Variants in REM1 observed in about 807,000 individuals in gnomAD.
REM1 encodes RRAD and GEM like GTPase 1.
Under a neutral mutation model 27.0 loss-of-function variants are expected in REM1, and 20 were observed. The observed-to-expected ratio is 0.74, with a 90% CI of 0.52 to 1.08. The LOEUF is 1.08. Ranked by LOEUF, REM1 falls within the 50% of genes least tolerant of loss-of-function variation. REM1 has a pLI of 0.00. For synonymous variants in REM1, 159 were observed against 167.9 expected, an observed-to-expected ratio of 0.95 and a Z score of 0.41; for missense variants, 405 against 407.0, an observed-to-expected ratio of 1.00 and a Z score of 0.04.
At chr20:31,481,540 T>C (rs1980735049) in intron 3 of REM1, among the ~76,000 whole-genome samples, 1 of 152,084 alleles carries the variant, frequency 6.6e-6, no homozygotes, top group Non-Finnish European at 1.5e-5. Context: ...CACTACACTA[T>C]AACTCCCATT....
intron 3 of REM1, among the ~76,000 whole-genome samples, chr20:31,478,834 CTTTTT>C (rs1243905937): frequency 1.5e-5 from 2 of 135,296 alleles, no homozygotes; most frequent in Non-Finnish European, 3.2e-5. Flanking sequence ...AGATCTTATT[CTTTTT>C]TTTTTTTTTT....
At chr20:31,481,159 G>A (rs1302751621) in intron 3 of REM1, among the ~76,000 whole-genome samples, 1 of 152,110 alleles carries the variant, frequency 6.6e-6, no homozygotes, top group Non-Finnish European at 1.5e-5. Context: ...TGTCATCCCA[G>A]CTACTCAGGA....
intron 3 of REM1, among the ~76,000 whole-genome samples, chr20:31,481,867 TTC>T (rs1200346409): frequency 6.6e-6 from 1 of 152,148 alleles, no homozygotes; most frequent in Non-Finnish European, 1.5e-5. Flanking sequence ...GTCCTCACTT[TTC>T]TCTCTTTTTT....
Position 31,475,462 on chromosome 20 carries a change from G to A in REM1, c.-220+96G>A, listed in dbSNP as rs1016737337. 3 of 152,412 alleles carry A rather than the reference G, an allele frequency of 2.0e-5. No homozygotes were observed. The highest frequency in any genetic ancestry group is 7.2e-5 in the African/African-American group (3 of 41,470). 9.4% of individuals were successfully genotyped at this position (152,412 alleles called of 1,614,324 possible). ...ATTCGGCAGCGTTGGCAGGAATAGG[G>A]GGGCTTCGAAACCGCGTCCCTAGGG... On this transcript the variant is annotated intron_variant, in intron 1 of 4. Coordinates refer to ENST00000201979, the MANE Select transcript of REM1 (RefSeq NM_014012.6). The surrounding 1 kb of genome is among the most constrained non-coding windows in gnomAD (Gnocchi z 5.0).
In REM1 at chr20:31,477,840, A is replaced by G. The variant is rs376949045; in HGVS notation, c.353A>G (p.Glu118Gly). The change falls in exon 3 of 5, where the codon GAG becomes GGG. Residue 118 changes from glutamate to glycine, a missense_variant. Transcript: ENST00000201979. ...LHEQLGEDVY[E>G]RTLTVDGEDT... ...CCCTCGGTTGCAGAAGATGTATATG[A>G]GAGGACCCTCACGGTGGATGGAGAA... The G allele has an allele frequency of 7.4e-6, 12 of 1,612,692 alleles. No individual in the cohort carries two copies. The highest frequency in any genetic ancestry group is 9.3e-6 in the Non-Finnish European group (11 of 1,179,626).
chr20:31,481,996 G>T (rs1246656023), intron 3 of REM1, among the ~76,000 whole-genome samples: 1 of 152,182 alleles, frequency 6.6e-6, no homozygotes, highest in African/African-American at 2.4e-5. Context: ...GCAGGAACAG[G>T]AACCAAGTAA....
intron 3 of REM1, among the ~76,000 whole-genome samples, chr20:31,481,507 CAT>C (rs989447262): frequency 1.3e-5 from 2 of 152,072 alleles, no homozygotes; most frequent in African/African-American, 4.8e-5. Context: ...GCCACTTACA[CAT>C]GTCTCTTACT....
rs532270804 is a variant in REM1, at chr20:31,484,328, C to T, written c.795C>T (p.Ala265=). The T allele has an allele frequency of 7.5e-5, 117 of 1,569,274 alleles. No homozygotes were observed. In the South Asian group the frequency reaches 1.3e-3, roughly 17 times the overall value. ...PPAPRRPASL[A]QRARRFLARL... ...CACCCCGACGGCCGGCCAGCCTAGCCCAGCGCGCTCGTCGCTTCCTGGCAC... is the reference window on the plus strand; with the variant it reads ...CACCCCGACGGCCGGCCAGCCTAGCTCAGCGCGCTCGTCGCTTCCTGGCAC... The change falls in exon 5 of 5, where the codon GCC becomes GCT. Residue 265 remains alanine (A), a synonymous_variant. Coordinates refer to ENST00000201979, the MANE Select transcript of REM1 (RefSeq NM_014012.6).
chr20:31,476,760 G>A lies in REM1; in HGVS notation c.315G>A (p.Glu105=), dbSNP rs767166923. ...SLASLFAGKQ[E]RDLHEQLGED... ...CCAGCCTCTTTGCAGGGAAGCAAGAGAGGGACCTCCATGAACAGCTGGGAG... is the reference window on the plus strand; with the variant it reads ...CCAGCCTCTTTGCAGGGAAGCAAGAAAGGGACCTCCATGAACAGCTGGGAG... The change falls in exon 2 of 5, where the codon GAG becomes GAA. Residue 105 remains glutamate (E), a synonymous_variant. Coordinates refer to ENST00000201979, the MANE Select transcript of REM1 (RefSeq NM_014012.6). The A allele has an allele frequency of 1.1e-5, 17 of 1,612,792 alleles. No homozygotes were observed. In the South Asian group the frequency reaches 1.9e-4, roughly 18 times the overall value.
intron 3 of REM1, among the ~76,000 whole-genome samples, chr20:31,480,902 C>T (rs1980707283): frequency 6.6e-6 from 1 of 152,146 alleles, no homozygotes; most frequent in South Asian, 2.1e-4. Context: ...AGAACTTACC[C>T]CCCTTTGACA....
At position 31,484,326 on chromosome 20, in the gene REM1, G is replaced by A. The variant is rs921359582; in HGVS notation, c.793G>A (p.Ala265Thr). The A allele has an allele frequency of 6.4e-7, 1 of 1,569,964 alleles. No homozygotes were observed. Among genetic ancestry groups the A allele is most frequent in the African/African-American group, 1.3e-5 (1 of 74,164 alleles). The change falls in exon 5 of 5, where the codon GCC becomes ACC. Residue 265 changes from alanine (A) to threonine (T), a missense_variant. Ala to Thr is a moderately conservative substitution (Grantham distance 58). Coordinates refer to ENST00000201979, the MANE Select transcript of REM1 (RefSeq NM_014012.6). The stretch of plus-strand genomic sequence containing the variant: ...AGCACCCCGACGGCCGGCCAGCCTA[G>A]CCCAGCGCGCTCGTCGCTTCCTGGC... Reference protein sequence around the residue: ...PPAPRRPASLAQRARRFLARL... With the variant: ...PPAPRRPASLTQRARRFLARL...
intron 4 of REM1, 28 bp downstream of exon 4, chr20:31,482,516 T>C (rs780121415): frequency 1.2e-6 from 2 of 1,605,604 alleles, no homozygotes; most frequent in Admixed American, 3.4e-5. Context: ...CCACCTCCTC[T>C]TCACCTGGGC....
Position 31,484,710 on chromosome 20 carries a change from G to A in REM1, c.*280G>A. ...AAAATCTTCCTTGTCCCTGGGCTCT[G>A]GCCAACCCTCAGAAACCCTCACAAT... On this transcript the variant is annotated 3_prime_UTR_variant, in exon 5 of 5. Coordinates refer to ENST00000201979, the MANE Select transcript of REM1 (RefSeq NM_014012.6). 2.2e-6 allele frequency: 1 copy of A among 448,694 alleles called. No individual in the cohort carries two copies. The highest frequency in any genetic ancestry group is 2.1e-5 in the African/African-American group (1 of 48,356). The allele number at this position is 448,694 out of a possible 1,614,324, so 27.8% of individuals were successfully genotyped here.
Position 31,476,330 on chromosome 20 carries a change from A to G in REM1, c.-116A>G. ...ACAAGAGGGGGATCTGGAAGAAGCC[A>G]TACAGCAGCTCATCAGGACACTATA... On this transcript the variant is annotated 5_prime_UTR_variant, in exon 2 of 5. Transcript: ENST00000201979. The G allele has an allele frequency of 1.2e-6, 1 of 833,940 alleles. No homozygotes were observed. The highest frequency in any genetic ancestry group is 1.9e-6 in the Non-Finnish European group (1 of 519,488). 51.7% of individuals were successfully genotyped at this position (833,940 alleles called of 1,614,324 possible).
chr20:31,480,965 T>G (rs1980709411), intron 3 of REM1, among the ~76,000 whole-genome samples: 1 of 152,174 alleles, frequency 6.6e-6, no homozygotes, highest in African/African-American at 2.4e-5. Flanking sequence ...AATTCCCATT[T>G]GGTTATCAGA....
At position 31,476,495 on chromosome 20, in the gene REM1, C is replaced by T. The variant is rs375889740; in HGVS notation, c.50C>T (p.Ala17Val). Reference sequence around the variant, plus strand: ...GCAAAGACCCCTCTGCACCGGCGAGCCAGCACCCCACTGCCCCTGTCCCCA... The same window carrying T: ...GCAAAGACCCCTCTGCACCGGCGAGTCAGCACCCCACTGCCCCTGTCCCCA... ...QEAKTPLHRR[A>V]STPLPLSPRG... The change falls in exon 2 of 5, where the codon GCC (alanine) becomes GTC (valine). Residue 17 changes from alanine (A) to valine (V), a missense_variant. Ala to Val is a moderately conservative substitution (Grantham distance 64). Coordinates refer to ENST00000201979, the MANE Select transcript of REM1 (RefSeq NM_014012.6). 186 of 1,612,702 alleles carry T rather than the reference C, an allele frequency of 1.2e-4. No homozygotes were observed. Among genetic ancestry groups the T allele is most frequent in the Admixed American group, 4.7e-4 (28 of 59,818 alleles).
In REM1 at chr20:31,484,206, TC is replaced by T; in HGVS notation, c.675del (p.Ala226ProfsTer39). ...VVFDCKFIETSATLQHNVAEL... is the reference protein window; with the variant it reads ...VVFDCKFIETXATLQHNVAEL... ...GTTCGACTGTAAATTCATCGAGACA[TC>T]CGCCACGCTGCAGCACAATGTGGCC... On this transcript the variant is annotated frameshift_variant, in exon 5 of 5. Transcript: ENST00000201979. LOFTEE classifies it high-confidence loss of function. 2 of 1,608,158 alleles carry T rather than the reference TC, an allele frequency of 1.2e-6. No individual in the cohort carries two copies. The highest frequency in any genetic ancestry group is 1.3e-5 in the African/African-American group (1 of 74,768).
At chr20:31,477,956 A>G in intron 3 of REM1, 46 bp downstream of exon 3, 1 of 1,200,228 alleles carries the variant, frequency 8.3e-7, no homozygotes, top group South Asian at 1.3e-5. Flanking sequence ...GCTGAGCCTA[A>G]TACTAGACTC....
chr20:31,479,531 A>C (rs1285020889), intron 3 of REM1, among the ~76,000 whole-genome samples: 1 of 152,120 alleles, frequency 6.6e-6, no homozygotes, highest in African/African-American at 2.4e-5. Flanking sequence ...CCTTGAGAAC[A>C]TTTTCTCCTC....
Sources: allele counts gnomAD v4.1 joint callset (sites outside exome capture counted in the v4.1 genomes callset), GRCh38; gene constraint gnomAD v4.1.1; non-coding constraint Gnocchi (gnomAD v3.1); transcripts MANE v1.5; gene names NCBI Gene and HGNC (gene_info 2026-07-23, HGNC 2026-07-21).